Variants in CYFIP1 observed in about 807,000 individuals in gnomAD.
CYFIP1 encodes cytoplasmic FMR1-interacting protein 1.
CYFIP1 carries 58 observed loss-of-function variants against 163.5 expected under a neutral mutation model. That is an observed-to-expected ratio of 0.35 (90% CI 0.29 to 0.44). The LOEUF is 0.44. Among genes scored for constraint, CYFIP1 ranks in the 20% least tolerant of loss-of-function variants. The pLI is 1.00. For missense variants in CYFIP1, 1,338 were observed against 1,653.8 expected, an observed-to-expected ratio of 0.81 and a Z score of 3.31; for synonymous variants, 663 against 660.7, an observed-to-expected ratio of 1.00 and a Z score of -0.05.
chr15:22,933,605 C>T (rs1032113113), intron 10 of CYFIP1, among the ~76,000 whole-genome samples, 197 bp downstream of exon 10: 1 of 152,152 alleles, frequency 6.6e-6, no homozygotes, highest in East Asian at 1.9e-4. Context: ...TGAGCCACCG[C>T]GCCCGGCCTC....
At chr15:22,876,816 C>T (rs143559060) in intron 26 of CYFIP1, among the ~76,000 whole-genome samples, 2,388 of 141,586 alleles carry the variant, frequency 0.017, 19 homozygotes, top group Middle Eastern at 0.039. Context: ...GGGCAACAAG[C>T]GTGAAACTCC....
In CYFIP1 at chr15:22,933,904, A is replaced by C; in HGVS notation, c.901-11T>G. The C allele has an allele frequency of 1.9e-6, 3 of 1,591,180 alleles. No individual in the cohort carries two copies. Among genetic ancestry groups the C allele is most frequent in the Non-Finnish European group, 2.6e-6 (3 of 1,162,974 alleles). ...AACCACCTGGAGTTGCTGTATTCAA[A>C]GAACAAAAAAATAGAGTCATTATGT... On this transcript the variant is annotated splice_polypyrimidine_tract_variant and intron_variant, in intron 9 of 30. Transcript: ENST00000617928.
Position 22,874,563 on chromosome 15 carries a change from A to C in CYFIP1, c.3197T>G (p.Leu1066Arg). 6.2e-7 allele frequency: 1 copy of C among 1,601,782 alleles called. No homozygotes were observed. The highest frequency in any genetic ancestry group is 8.5e-7 in the Non-Finnish European group (1 of 1,175,792). Residue 1066 changes from leucine (L) to arginine (R), a missense_variant, in exon 28 of 31, where the codon CTG becomes CGG. Physicochemically the swap from Leu to Arg is moderately radical, Grantham distance 102. Coordinates refer to ENST00000617928, the MANE Select transcript of CYFIP1 (RefSeq NM_014608.6). ...GGTACACGTTACCTGAGGGGTCCCCAGTCTTTCAATCAGTGGGACAAGATG... is the reference window on the plus strand; with the variant it reads ...GGTACACGTTACCTGAGGGGTCCCCCGTCTTTCAATCAGTGGGACAAGATG... ...PLHLVPLIER[L>R]GTPQQIAIAR... is the part of the protein sequence containing the mutation.
intron 21 of CYFIP1, among the ~76,000 whole-genome samples, chr15:22,908,391 G>C (rs1031919698): frequency 6.6e-6 from 1 of 152,006 alleles, no homozygotes; most frequent in Non-Finnish European, 1.5e-5. Flanking sequence ...TGAAGGTCCA[G>C]ATAACAGGAG....
rs892363936 is a variant in CYFIP1, at chr15:22,915,489, G to A, written c.1829-607C>T. On this transcript the variant is annotated intron_variant, in intron 16 of 30. Coordinates refer to ENST00000617928, the MANE Select transcript of CYFIP1 (RefSeq NM_014608.6). ...CTTCTGGCTGGGCACAGTGGCTCAC[G>A]CCTGTAATCCTAGCACTTTGGGAGG... Among the ~76,000 whole-genome samples the A allele has an allele frequency of 7.2e-5, 11 of 152,078 alleles. 1 individual carries two copies. The highest frequency in any genetic ancestry group is 2.0e-4 in the Admixed American group (3 of 15,272).
intron 8 of CYFIP1, 57 bp downstream of exon 8, chr15:22,939,135 G>C: frequency 6.2e-7 from 1 of 1,604,054 alleles, no homozygotes; most frequent in South Asian, 1.1e-5. Flanking sequence ...ACAGCCTATT[G>C]ACAAGAGTAA....
chr15:22,979,190 G>T (rs1035096398), intron 1 of CYFIP1, among the ~76,000 whole-genome samples: 2 of 152,100 alleles, frequency 1.3e-5, no homozygotes, highest in African/African-American at 2.4e-5. Context: ...CTCACAGCGT[G>T]ACTCGTTCTT....
At chr15:22,903,999 C>G in intron 21 of CYFIP1, 94 bp from the exon 22 acceptor site, 1 of 1,191,850 alleles carries the variant, frequency 8.4e-7, no homozygotes, top group Non-Finnish European at 1.2e-6. Flanking sequence ...CTCACAGTCC[C>G]TGGCAGGGCT....
At position 22,870,009 on chromosome 15, in the gene CYFIP1, C is replaced by G; in HGVS notation, c.*19G>C. On this transcript the variant is annotated 3_prime_UTR_variant, in exon 31 of 31. Transcript: ENST00000617928. ...GAGAAAGGCATGCCATGTTGAGTTA[C>G]GGAGTGCAGCGCGTGCCCTCAGCTG... 1.3e-6 allele frequency: 2 copies of G among 1,559,690 alleles called. No individual in the cohort carries two copies. Among genetic ancestry groups the G allele is most frequent in the Non-Finnish European group, 1.7e-6 (2 of 1,158,912 alleles).
At chr15:22,957,016 G>A (rs1328142130) in intron 1 of CYFIP1, among the ~76,000 whole-genome samples, 1 of 152,256 alleles carries the variant, frequency 6.6e-6, no homozygotes, top group Non-Finnish European at 1.5e-5. Flanking sequence ...CAACACCAAG[G>A]TTGCAAAATG....
chr15:22,971,114 A>G (rs57778021), intron 1 of CYFIP1, among the ~76,000 whole-genome samples: 5,473 of 152,260 alleles, frequency 0.036, 356 homozygotes, highest in African/African-American at 0.12. Flanking sequence ...AGAAAAGTTA[A>G]TTCAAAACAG....
At chr15:22,921,689 C>T (rs2061183330) in intron 13 of CYFIP1, among the ~76,000 whole-genome samples, 1 of 149,438 alleles carries the variant, frequency 6.7e-6, no homozygotes, top group Admixed American at 6.7e-5. Flanking sequence ...TAGCTTGAAC[C>T]CGGGAGGTGA....
intron 22 of CYFIP1, among the ~76,000 whole-genome samples, chr15:22,893,557 C>T (rs942921377): frequency 2.0e-5 from 3 of 152,174 alleles, no homozygotes; most frequent in Non-Finnish European, 4.4e-5. Context: ...ATAAGAAAGA[C>T]AATTTTGTGG....
intron 17 of CYFIP1, among the ~76,000 whole-genome samples, chr15:22,912,791 G>A (rs1365844963): frequency 6.6e-5 from 10 of 152,224 alleles, no homozygotes; most frequent in Middle Eastern, 3.4e-3. Flanking sequence ...GCGTGGTGGC[G>A]CACGCCTGAG....
In CYFIP1 at chr15:22,910,543, G is replaced by A. The variant is rs1566958586; in HGVS notation, c.2245C>T (p.Leu749=). The A allele has an allele frequency of 6.2e-7, 1 of 1,614,028 alleles. No individual in the cohort carries two copies. Among genetic ancestry groups the A allele is most frequent in the Admixed American group, 1.7e-5 (1 of 60,024 alleles). The change falls in exon 20 of 31, where the codon CTG becomes TTG. Residue 749 remains leucine, a synonymous_variant. Coordinates refer to ENST00000617928, the MANE Select transcript of CYFIP1 (RefSeq NM_014608.6). ...HLPPSNRYET[L]LKQRHVQLLG... is the part of the protein sequence containing the mutation. ...ACCTGCACATGCCTCTGCTTCAGCA[G>A]CGTCTCGTAGCGGTTAGACGGCGGG...
At chr15:22,945,780 A>G (rs887452681) in intron 3 of CYFIP1, among the ~76,000 whole-genome samples, 7 of 150,242 alleles carry the variant, frequency 4.7e-5, no homozygotes, top group African/African-American at 9.8e-5. Flanking sequence ...ACAGGGTTTC[A>G]CCATGTTGGC....
intron 21 of CYFIP1, among the ~76,000 whole-genome samples, chr15:22,908,590 C>A (rs1333724296): frequency 8.0e-6 from 1 of 124,870 alleles, no homozygotes. Context: ...AGTGCAGTGG[C>A]GCGATCTGGG....
At chr15:22,909,358 C>G in intron 20 of CYFIP1, 45 bp from the exon 21 acceptor site, 1 of 1,605,906 alleles carries the variant, frequency 6.2e-7, no homozygotes, top group Middle Eastern at 1.7e-4. Flanking sequence ...TGGACATGAG[C>G]AGCTCGAAAA....
rs2062829499 is a variant in CYFIP1, at chr15:22,964,405, AC to A, written c.-7+15881del. Among the ~76,000 whole-genome samples, 4 of 137,614 alleles carry A rather than the reference AC, an allele frequency of 2.9e-5. No individual in the cohort carries two copies. The South Asian group carries it at 9.5e-4, about 33-fold the overall frequency. 90.3% of individuals were successfully genotyped at this position (137,614 alleles called of 152,430 possible). A position where few individuals can be genotyped will look rare whatever the true frequency, so the allele number is the denominator to read the frequency against. ...CACACACACACACACACACACACAC[AC>A]ACCCGGCAGCCCTGCCAGCAGACTC... On this transcript the variant is annotated intron_variant, in intron 1 of 30. Transcript: ENST00000617928.
Sources: gnomAD v4.1 joint callset for allele counts (sites outside exome capture counted in the v4.1 genomes callset) on GRCh38, gnomAD v4.1.1 for gene constraint, MANE v1.5 for transcripts, NCBI Gene and HGNC (gene_info 2026-07-23, HGNC 2026-07-21) for gene names.